PTGER3: variants seen among roughly 807,000 people sequenced by gnomAD.
PTGER3 encodes the protein prostaglandin E2 receptor EP3 subtype.
A neutral mutation model predicts 34.7 loss-of-function variants in PTGER3; 22 were observed. The ratio of observed to expected loss-of-function variants is 0.63; its 90% CI spans 0.45 to 0.91. PTGER3 has a LOEUF of 0.91. Among genes scored for constraint, PTGER3 ranks in the 40% least tolerant of loss-of-function variants. PTGER3 has a pLI of 0.00. For synonymous variants in PTGER3, 241 were observed against 230.1 expected (o/e 1.05, Z -0.43); for missense variants, 468 against 519.4 (o/e 0.90, Z 0.96).
intron 2 of PTGER3, among the ~76,000 whole-genome samples, chr1:70,955,839 T>TCA (rs1267199047): frequency 2.0e-5 from 3 of 152,152 alleles, no homozygotes; most frequent in African/African-American, 7.2e-5. Flanking sequence ...TATTCTAGGG[T>TCA]CACTAATCCC....
rs140007392 is a variant in PTGER3 at position 71,025,674 on chromosome 1, A to G, written c.898-13190T>C. Among the ~76,000 whole-genome samples the G allele has an allele frequency of 4.7e-3, 722 of 152,358 alleles. 8 individuals are homozygous for G. The highest frequency in any genetic ancestry group is 0.016 in the African/African-American group (683 of 41,590). On this transcript the variant is annotated intron_variant, in intron 1 of 3. Coordinates refer to ENST00000306666, the MANE Select transcript of PTGER3 (RefSeq NM_198719.2). ...AACTAATGCTTATATAATACTTACTATAAGAGACTATGCTTGCCTGTGAGG... is the reference window on the plus strand; with the variant it reads ...AACTAATGCTTATATAATACTTACTGTAAGAGACTATGCTTGCCTGTGAGG...
chr1:70,966,539 T>C (rs916388447), downstream of PTGER3, among the ~76,000 whole-genome samples: 1 of 152,134 alleles, frequency 6.6e-6, no homozygotes, highest in African/African-American at 2.4e-5. Flanking sequence ...GTTACATAAG[T>C]GTACATGTGC....
At chr1:70,925,827 AG>A (rs1352549259) in intron 4 of PTGER3, among the ~76,000 whole-genome samples, 1 of 152,194 alleles carries the variant, frequency 6.6e-6, no homozygotes, top group Non-Finnish European at 1.5e-5. Flanking sequence ...CTAGGATGTA[AG>A]TCGGTAGTGG....
intron 4 of PTGER3, among the ~76,000 whole-genome samples, chr1:70,935,941 A>C (rs934311026): frequency 2.6e-5 from 4 of 152,144 alleles, no homozygotes; most frequent in African/African-American, 9.7e-5. Flanking sequence ...TGGTCTTTTC[A>C]CAGGGAGTTA....
intron 2 of PTGER3, among the ~76,000 whole-genome samples, chr1:70,962,880 A>G (rs1190627475): frequency 6.6e-6 from 1 of 152,202 alleles, no homozygotes; most frequent in East Asian, 1.9e-4. Flanking sequence ...GTCTTAACTC[A>G]TTTCAGCATT....
At chr1:70,975,291 C>A (rs542296335) in intron 2 of PTGER3, among the ~76,000 whole-genome samples, 2 of 152,188 alleles carry the variant, frequency 1.3e-5, no homozygotes, top group Non-Finnish European at 2.9e-5. Flanking sequence ...AGTCCTGAGG[C>A]CCATCCCTCA....
intron 1 of PTGER3, among the ~76,000 whole-genome samples, chr1:71,024,851 G>A (rs952879662): frequency 3.3e-5 from 5 of 150,124 alleles, no homozygotes; most frequent in Non-Finnish European, 7.4e-5. Flanking sequence ...CACCGTGCCC[G>A]GCTGAAAAAA....
At chr1:70,933,929 A>T (rs1486010619) in intron 4 of PTGER3, among the ~76,000 whole-genome samples, 33 of 152,168 alleles carry the variant, frequency 2.2e-4, no homozygotes, top group Admixed American at 2.2e-3. Flanking sequence ...AGACTCTTTC[A>T]TGGAAATTAA....
intron 1 of PTGER3, among the ~76,000 whole-genome samples, chr1:71,040,685 A>AG (rs1413543620): frequency 6.6e-6 from 1 of 152,196 alleles, no homozygotes; most frequent in Non-Finnish European, 1.5e-5. Flanking sequence ...GATAGTTCCT[A>AG]GGAAAAAATA....
chr1:70,863,951 A>G (rs1354975848), intron 4 of PTGER3, among the ~76,000 whole-genome samples: 2 of 152,170 alleles, frequency 1.3e-5, no homozygotes, highest in Non-Finnish European at 2.9e-5. Context: ...GCAATAGAGA[A>G]TCATGGAAGG....
At chr1:70,998,503 A>C (rs922050236) in intron 2 of PTGER3, among the ~76,000 whole-genome samples, 4 of 152,206 alleles carry the variant, frequency 2.6e-5, no homozygotes, top group Non-Finnish European at 5.9e-5. Context: ...GCTCATTAAA[A>C]ATGTGAATAT....
intron 4 of PTGER3, among the ~76,000 whole-genome samples, chr1:70,930,030 A>C (rs372456377): frequency 3.9e-5 from 6 of 152,222 alleles, no homozygotes; most frequent in African/African-American, 1.4e-4. Flanking sequence ...CAAAAGATGA[A>C]GCTAACAGGC....
chr1:70,976,992 T>G (rs1653769659), intron 2 of PTGER3, among the ~76,000 whole-genome samples: 1 of 152,154 alleles, frequency 6.6e-6, no homozygotes. Flanking sequence ...GCAAACTTTA[T>G]CCTCCCTTTG....
chr1:70,864,770 T>C (rs1646004793), intron 4 of PTGER3, among the ~76,000 whole-genome samples: 1 of 152,226 alleles, frequency 6.6e-6, no homozygotes, highest in Non-Finnish European at 1.5e-5. Flanking sequence ...AGGCAGATAC[T>C]ATTATCAGTC....
intron 4 of PTGER3, among the ~76,000 whole-genome samples, chr1:70,904,907 G>A (rs1029664911): frequency 1.3e-5 from 2 of 152,170 alleles, no homozygotes; most frequent in Non-Finnish European, 2.9e-5. Flanking sequence ...GCATCTCAGA[G>A]GTCTTCACAG....
chr1:70,883,173 T>G (rs1017150997), intron 4 of PTGER3, among the ~76,000 whole-genome samples: 3 of 152,218 alleles, frequency 2.0e-5, no homozygotes, highest in African/African-American at 7.2e-5. Flanking sequence ...AGTTGAAACT[T>G]GTTGAACATG....
At chr1:70,922,329 G>A (rs1647611440) in intron 4 of PTGER3, among the ~76,000 whole-genome samples, 1 of 151,198 alleles carries the variant, frequency 6.6e-6, no homozygotes, top group Non-Finnish European at 1.5e-5. Flanking sequence ...AAGTCAGAAA[G>A]TCCAAGCATG....
chr1:70,928,866 G>T (rs1271156680), intron 4 of PTGER3, among the ~76,000 whole-genome samples: 1 of 95,150 alleles, frequency 1.1e-5, no homozygotes. Context: ...GGAATTTACA[G>T]ATACACACAC....
chr1:70,916,267 A>G (rs116742959), intron 4 of PTGER3, among the ~76,000 whole-genome samples: 1 of 152,064 alleles, frequency 6.6e-6, no homozygotes, highest in Non-Finnish European at 1.5e-5. Context: ...AAGGGGAACA[A>G]TTATACACTG....
Sources: allele counts gnomAD v4.1 joint callset (sites outside exome capture counted in the v4.1 genomes callset), GRCh38; gene constraint gnomAD v4.1.1; transcripts MANE v1.5; gene names NCBI Gene and HGNC (gene_info 2026-07-23, HGNC 2026-07-21).